Variants in KANK1 observed in about 807,000 individuals in gnomAD.
KANK1 encodes KN motif and ankyrin repeat domain-containing protein 1.
A neutral mutation model predicts 106.2 loss-of-function variants in KANK1; 109 were observed. The ratio of observed to expected loss-of-function variants is 1.03; its 90% CI spans 0.88 to 1.20. The LOEUF (loss-of-function observed/expected upper bound fraction) is 1.20, where lower values mean the gene tolerates loss of function less well. Ranked by LOEUF, KANK1 falls within the 50% of genes most tolerant of loss-of-function variation. The pLI, the probability that KANK1 is intolerant of heterozygous loss-of-function variation, is 0.00. For missense variants in KANK1, 2,399 were observed against 1,710.7 expected (o/e 1.40, Z -7.10); for synonymous variants, 873 against 652.2 (o/e 1.34, Z -5.16).
chr9:728,957 A>G lies in KANK1; in HGVS notation c.2699-1094A>G, dbSNP rs1265944470. On this transcript the variant is annotated intron_variant, in intron 3 of 11. Coordinates refer to ENST00000382297, the MANE Select transcript of KANK1 (RefSeq NM_015158.5). The stretch of plus-strand genomic sequence containing the variant: ...TTTGCCTGTAACTTCTAGTCCACTA[A>G]AATGTATAAAATTAAGCTGTAACCC... Among the ~76,000 whole-genome samples the G allele has an allele frequency of 2.0e-5, 3 of 152,194 alleles. No homozygotes were observed. In the East Asian group the frequency reaches 5.8e-4, roughly 29 times the overall value.
chr9:691,937 C>G (rs901257523), intron 2 of KANK1, among the ~76,000 whole-genome samples: 5 of 152,072 alleles, frequency 3.3e-5, no homozygotes, highest in Non-Finnish European at 7.4e-5. Context: ...TTTTAAATGC[C>G]TTCTTCACCT....
chr9:557,472 T>C (rs193286908), intron 1 of KANK1, among the ~76,000 whole-genome samples: 152 of 152,326 alleles, frequency 1.0e-3, no homozygotes, highest in African/African-American at 3.6e-3. Context: ...TTCAGGATCC[T>C]ACCAGATGTT....
chr9:489,922 G>A (rs994982131), intron 3 of KANK1, among the ~76,000 whole-genome samples: 2 of 152,080 alleles, frequency 1.3e-5, no homozygotes, highest in African/African-American at 4.8e-5. Flanking sequence ...CTCTATGTCT[G>A]GGGGAACAAA....
At chr9:576,939 T>C (rs1201474506) in intron 1 of KANK1, among the ~76,000 whole-genome samples, 3 of 152,190 alleles carry the variant, frequency 2.0e-5, no homozygotes, top group Non-Finnish European at 4.4e-5. Flanking sequence ...ACCCTCACGG[T>C]GAGTGTTACA....
intron 1 of KANK1, among the ~76,000 whole-genome samples, chr9:617,726 G>A (rs1832178615): frequency 6.6e-6 from 1 of 152,188 alleles, no homozygotes; most frequent in African/African-American, 2.4e-5. Context: ...CTCTTCCTCA[G>A]CAGACATTCC....
intron 1 of KANK1, among the ~76,000 whole-genome samples, chr9:618,531 G>T (rs1832409052): frequency 6.6e-6 from 1 of 151,954 alleles, no homozygotes; most frequent in Non-Finnish European, 1.5e-5. Flanking sequence ...TTAAAATGAA[G>T]AAACAGATAT....
intron 3 of KANK1, among the ~76,000 whole-genome samples, chr9:727,217 G>C (rs1270655201): frequency 2.0e-5 from 3 of 152,030 alleles, no homozygotes; most frequent in Non-Finnish European, 4.4e-5. Context: ...ACATCCTTAG[G>C]ATAAAACTTT....
At chr9:624,416 C>T (rs927857037) in intron 1 of KANK1, among the ~76,000 whole-genome samples, 4 of 152,114 alleles carry the variant, frequency 2.6e-5, no homozygotes, top group Admixed American at 6.6e-5. Flanking sequence ...ATCAAATAAT[C>T]ACATTGTATA....
chr9:670,538 C>T (rs12338863), intron 1 of KANK1, among the ~76,000 whole-genome samples: 26,515 of 151,984 alleles, frequency 0.17, 3,467 homozygotes, highest in East Asian at 0.33. Context: ...AGGAGCTATC[C>T]CTGTGGTATG....
Position 711,699 on chromosome 9 carries a change from A to C in KANK1, c.933A>C (p.Ala311=), listed in dbSNP as rs115539942. Residue 311 remains alanine, a synonymous_variant, in exon 3 of 12, where the codon GCA becomes GCC. Transcript: ENST00000382297. ...LVSQLKNQRA[A]SQINVCGVRK... Reference sequence around the variant, plus strand: ...CACAGCTGAAAAACCAAAGGGCTGCATCCCAGATCAATGTCTGTGGTGTGA... The same window carrying C: ...CACAGCTGAAAAACCAAAGGGCTGCCTCCCAGATCAATGTCTGTGGTGTGA... The C allele has an allele frequency of 1.1e-5, 18 of 1,614,246 alleles. No homozygotes were observed. The African/African-American group carries it at 2.1e-4, about 19-fold the overall frequency.
chr9:628,574 G>A (rs116974085), intron 1 of KANK1, among the ~76,000 whole-genome samples: 2 of 152,176 alleles, frequency 1.3e-5, no homozygotes, highest in Admixed American at 1.3e-4. Context: ...TTCCCTGCTT[G>A]AGGGCACTTG....
intron 1 of KANK1, among the ~76,000 whole-genome samples, chr9:590,493 CTTAGAGACTTCATGCATTATTA>C (rs1229660311): frequency 2.0e-5 from 3 of 152,092 alleles, no homozygotes; most frequent in Admixed American, 6.5e-5. Context: ...TATATTTTTG[CTTAGAGACTTCATGCATTATTA>C]TTAGAGACTT....
chr9:611,354 G>T lies in KANK1; in HGVS notation c.-83-65536G>T, dbSNP rs945363361. ...CCTTAATTTCCAATGTGTAAGCTTG[G>T]ATGACTACACTTATCTCCAGGATTC... On this transcript the variant is annotated intron_variant, in intron 1 of 11. Coordinates refer to ENST00000382297, the MANE Select transcript of KANK1 (RefSeq NM_015158.5). Among the ~76,000 whole-genome samples the T allele has an allele frequency of 7.9e-5, 12 of 152,314 alleles. No individual in the cohort carries two copies. The Middle Eastern group carries it at 0.01, about 130-fold the overall frequency.
intron 1 of KANK1, among the ~76,000 whole-genome samples, chr9:589,829 G>C (rs150321296): frequency 2.6e-5 from 4 of 152,302 alleles, no homozygotes; most frequent in Non-Finnish European, 5.9e-5. Context: ...TATCTGTGTG[G>C]GAAATGGGCC....
intron 2 of KANK1, among the ~76,000 whole-genome samples, chr9:694,783 C>G (rs1453949691): frequency 6.6e-6 from 1 of 152,110 alleles, no homozygotes; most frequent in Non-Finnish European, 1.5e-5. Context: ...TGGCAATACC[C>G]AGGAGGGACA....
chr9:557,129 G>C (rs2061639426), intron 1 of KANK1, among the ~76,000 whole-genome samples: 1 of 148,558 alleles, frequency 6.7e-6, no homozygotes, highest in Admixed American at 6.8e-5. Flanking sequence ...CCTGCAGTGA[G>C]ATGAAATTGC....
intron 1 of KANK1, among the ~76,000 whole-genome samples, chr9:582,068 C>G (rs543018173): frequency 2.4e-4 from 36 of 152,230 alleles, no homozygotes; most frequent in African/African-American, 7.0e-4. Flanking sequence ...TCCCCCTGCC[C>G]CAGAGTTGGT....
rs576590610 is a variant in KANK1 at position 694,527 on chromosome 9, G to C, written c.38-16277G>C. Among the ~76,000 whole-genome samples the C allele has an allele frequency of 2.0e-5, 3 of 152,238 alleles. No individual in the cohort carries two copies. In the South Asian group the frequency reaches 6.2e-4, roughly 32 times the overall value. ...TGCACTTAGGAGCCCATGGCATTTT[G>C]GCTGTTTTGAGACAGATTTGGGGTA... On this transcript the variant is annotated intron_variant, in intron 2 of 11. Transcript: ENST00000382297.
chr9:692,461 C>T (rs1820194636), intron 2 of KANK1, among the ~76,000 whole-genome samples: 1 of 150,316 alleles, frequency 6.7e-6, no homozygotes, highest in African/African-American at 2.4e-5. Context: ...TTACTTTACA[C>T]AACAAGACCT....
Sources: gnomAD v4.1 joint callset for allele counts (sites outside exome capture counted in the v4.1 genomes callset) on GRCh38, gnomAD v4.1.1 for gene constraint, MANE v1.5 for transcripts, NCBI Gene and HGNC (gene_info 2026-07-23, HGNC 2026-07-21) for gene names.